The following MAGI2 variants were observed in gnomAD, a reference collection of about 807,000 sequenced individuals.
The protein encoded by MAGI2 is membrane associated guanylate kinase, WW and PDZ domain containing 2, also known as membrane-associated guanylate kinase, WW and PDZ domain-containing protein 2.
In MAGI2, 35 loss-of-function variants were observed where a neutral mutation model predicts 133.3. The observed-to-expected ratio is 0.26, with a 90% CI of 0.20 to 0.35. The LOEUF (loss-of-function observed/expected upper bound fraction) is 0.35, where lower values mean the gene tolerates loss of function less well. Among genes scored for constraint, MAGI2 ranks in the 10% least tolerant of loss-of-function variants. The pLI is 1.00. For missense variants in MAGI2, 1,636 were observed against 1,863.4 expected (o/e 0.88, Z 2.25); for synonymous variants, 729 against 710.6 (o/e 1.03, Z -0.41).
chr7:78,198,428 G>GTTT (rs398066996), intron 11 of MAGI2, among the ~76,000 whole-genome samples: 1,662 of 97,462 alleles, frequency 0.017, 144 homozygotes, highest in African/African-American at 0.058. Flanking sequence ...GGCTGTGGCC[G>GTTT]TTTTTTTTTT....
chr7:79,249,832 A>G (rs1833098377), intron 1 of MAGI2, among the ~76,000 whole-genome samples: 1 of 152,156 alleles, frequency 6.6e-6, no homozygotes. Context: ...GAATCTTGAC[A>G]AAGACACATC....
chr7:79,453,619 G>T lies in MAGI2; in HGVS notation c.-299C>A. The T allele has an allele frequency of 9.1e-7, 1 of 1,095,686 alleles. No individual in the cohort carries two copies. Among genetic ancestry groups the T allele is most frequent in the Non-Finnish European group, 1.1e-6 (1 of 892,646 alleles). The allele number at this position is 1,095,686 out of a possible 1,614,324, so 67.9% of individuals were successfully genotyped here. A position where few individuals can be genotyped will look rare whatever the true frequency, so the allele number is the denominator to read the frequency against. On this transcript the variant is annotated 5_prime_UTR_variant, in exon 1 of 22. Coordinates refer to ENST00000354212, the MANE Select transcript of MAGI2 (RefSeq NM_012301.4). Reference sequence around the variant, plus strand: ...AGCAGTGGTGGTGGCGTCGGCGGCGGCGGCGGCGGCAGCCGGAGCGAGCAG... The same window carrying T: ...AGCAGTGGTGGTGGCGTCGGCGGCGTCGGCGGCGGCAGCCGGAGCGAGCAG...
chr7:78,359,238 A>G (rs979666542), intron 7 of MAGI2: 10 of 152,192 alleles, frequency 6.6e-5, no homozygotes, highest in African/African-American at 2.4e-4. Flanking sequence ...CGCCTCGTGA[A>G]AGGGGCATCT....
chr7:79,302,838 C>G (rs1204698705), intron 1 of MAGI2, among the ~76,000 whole-genome samples: 1 of 152,158 alleles, frequency 6.6e-6, no homozygotes, highest in East Asian at 1.9e-4. Context: ...CAACATCAAA[C>G]ACCACATTGC....
At chr7:79,020,282 A>G (rs1380633814) in intron 1 of MAGI2, among the ~76,000 whole-genome samples, 1 of 152,340 alleles carries the variant, frequency 6.6e-6, no homozygotes, top group East Asian at 1.9e-4. Flanking sequence ...AAAGCATTCA[A>G]CATGTGACTT....
At chr7:78,285,450 A>G (rs1796047336) in intron 9 of MAGI2, among the ~76,000 whole-genome samples, 1 of 152,128 alleles carries the variant, frequency 6.6e-6, no homozygotes, top group South Asian at 2.1e-4. Context: ...ATAAAAATAG[A>G]TGATGCTTAT....
chr7:78,248,368 G>T (rs1385235157), intron 10 of MAGI2, among the ~76,000 whole-genome samples: 2 of 152,096 alleles, frequency 1.3e-5, no homozygotes, highest in Non-Finnish European at 2.9e-5. Context: ...GTAAATCATA[G>T]ATATCTCTAC....
intron 1 of MAGI2, among the ~76,000 whole-genome samples, chr7:79,082,999 T>C (rs1436219956): frequency 6.6e-6 from 1 of 151,778 alleles, no homozygotes; most frequent in Non-Finnish European, 1.5e-5. Flanking sequence ...TGATTATATA[T>C]AAAAATACAA....
At chr7:78,887,797 C>T (rs1796386202) in intron 2 of MAGI2, among the ~76,000 whole-genome samples, 1 of 152,222 alleles carries the variant, frequency 6.6e-6, no homozygotes, top group Admixed American at 6.5e-5. Flanking sequence ...CAGCTCCCAG[C>T]TTGAGCAACG....
chr7:78,483,432 T>C (rs975624670), intron 6 of MAGI2, among the ~76,000 whole-genome samples: 6 of 151,686 alleles, frequency 4.0e-5, no homozygotes, highest in Non-Finnish European at 1.5e-5. Flanking sequence ...TATTAACAGG[T>C]AGAAGGGTAA....
At chr7:79,361,124 C>G (rs1476566841) in intron 1 of MAGI2, among the ~76,000 whole-genome samples, 4 of 152,052 alleles carry the variant, frequency 2.6e-5, no homozygotes, top group Non-Finnish European at 5.9e-5. Flanking sequence ...TCAAAGAGGG[C>G]CACTGCATAA....
At chr7:78,307,776 A>G (rs1460010585) in intron 9 of MAGI2, among the ~76,000 whole-genome samples, 1 of 152,170 alleles carries the variant, frequency 6.6e-6, no homozygotes, top group Non-Finnish European at 1.5e-5. Flanking sequence ...AATTAATTGT[A>G]CTATTTTCTC....
intron 9 of MAGI2, among the ~76,000 whole-genome samples, chr7:78,317,967 G>A (rs1341118142): frequency 6.6e-6 from 1 of 152,110 alleles, no homozygotes; most frequent in Non-Finnish European, 1.5e-5. Flanking sequence ...CCGTTGGAAG[G>A]TCACCAACAT....
At chr7:78,619,876 C>T (rs919538691) in intron 3 of MAGI2, among the ~76,000 whole-genome samples, 9 of 151,938 alleles carry the variant, frequency 5.9e-5, no homozygotes, top group Non-Finnish European at 1.3e-4. Context: ...GATCAGTAAA[C>T]GGTCAGTGTT....
At chr7:78,367,100 AAC>A (rs6150177) in intron 7 of MAGI2, among the ~76,000 whole-genome samples, 16 of 146,760 alleles carry the variant, frequency 1.1e-4, no homozygotes, top group South Asian at 6.5e-4. Context: ...AATGTAGGCA[AAC>A]ACACACACAC....
In MAGI2 at chr7:79,353,367, C is replaced by A; in HGVS notation, c.301+99653G>T. 4 of 437,868 alleles carry A rather than the reference C, an allele frequency of 9.1e-6. No individual in the cohort carries two copies. In the Admixed American group the frequency reaches 9.7e-5, roughly 11 times the overall value. 27.1% of individuals were successfully genotyped at this position (437,868 alleles called of 1,614,324 possible). A position where few individuals can be genotyped will look rare whatever the true frequency, so the allele number is the denominator to read the frequency against. ...CTTTCTCTTCAGTCATGGAGGAAGC[C>A]TTGCTGTCTCTGGCTGTGGCATCTT... On this transcript the variant is annotated intron_variant, in intron 1 of 21. Coordinates refer to ENST00000354212, the MANE Select transcript of MAGI2 (RefSeq NM_012301.4).
rs146058384 is a variant in MAGI2 at position 78,024,082 on chromosome 7, G to A, written c.3707-4106C>T. On this transcript the variant is annotated intron_variant, in intron 21 of 21. Transcript: ENST00000354212. ...ACCAATCCCCCAGAAACTAAAGGAT[G>A]ACTATATCTTACCACATTTTCACAC... is the stretch of plus-strand genomic sequence containing the variant. Among the ~76,000 whole-genome samples, 43 of 152,300 alleles carry A rather than the reference G, an allele frequency of 2.8e-4. 2 individuals carry two copies. The highest frequency in any genetic ancestry group is 9.6e-4 in the African/African-American group (40 of 41,568).
chr7:78,297,845 G>C (rs1357481195), intron 9 of MAGI2, among the ~76,000 whole-genome samples: 68 of 115,574 alleles, frequency 5.9e-4, no homozygotes, highest in Non-Finnish European at 1.0e-3. Context: ...GGGGGGAGGG[G>C]GAGGGGGGAG....
At chr7:79,337,063 C>T (rs949496) in intron 1 of MAGI2, among the ~76,000 whole-genome samples, 102,325 of 151,608 alleles carry the variant, frequency 0.67, 34,866 homozygotes, top group Admixed American at 0.71. Context: ...AGTAATCATA[C>T]TACTATCTAT....
Sources: gnomAD v4.1 joint callset for allele counts (sites outside exome capture counted in the v4.1 genomes callset) on GRCh38, gnomAD v4.1.1 for gene constraint, MANE v1.5 for transcripts, NCBI Gene and HGNC (gene_info 2026-07-23, HGNC 2026-07-21) for gene names.